KIF6: variants seen among roughly 807,000 people sequenced by gnomAD.
KIF6 encodes the protein kinesin-like protein KIF6.
In KIF6, 106 loss-of-function variants were observed where a neutral mutation model predicts 112.7. The ratio of observed to expected loss-of-function variants is 0.94; its 90% CI spans 0.80 to 1.11. The LOEUF (loss-of-function observed/expected upper bound fraction) is 1.11, where lower values mean the gene tolerates loss of function less well. Among genes scored for constraint, KIF6 ranks in the 50% least tolerant of loss-of-function variants. The pLI is 0.00. For synonymous variants in KIF6, 339 were observed against 339.9 expected (o/e 1.00, Z 0.03); for missense variants, 929 against 964.0 (o/e 0.96, Z 0.48).
At chr6:39,537,543 A>T (rs1490084184) in intron 13 of KIF6, among the ~76,000 whole-genome samples, 7 of 151,862 alleles carry the variant, frequency 4.6e-5, no homozygotes, top group Admixed American at 4.6e-4. Context: ...AGAACTACAA[A>T]CCACTGCTCA....
rs1017578002 is a variant in KIF6 at position 39,378,368 on chromosome 6, A to T, written c.1861+7254T>A. 1.3e-5 allele frequency among the ~76,000 whole-genome samples: 2 copies of T among 152,132 alleles called. No homozygotes were observed. The highest frequency in any genetic ancestry group is 3.9e-4 in the East Asian group (2 of 5,182). ...CACATACACACATACCACGTGCCAC[A>T]TATACATACAATACATACAACATAC... On this transcript the variant is annotated intron_variant, in intron 16 of 22. Coordinates refer to ENST00000287152, the MANE Select transcript of KIF6 (RefSeq NM_145027.6). This position sits in a 1 kb window ranked among gnomAD's most constrained non-coding sequence, Gnocchi z 5.0.
chr6:39,524,577 G>C (rs73732127), intron 13 of KIF6, among the ~76,000 whole-genome samples: 50,497 of 152,066 alleles, frequency 0.33, 10,852 homozygotes, highest in African/African-American at 0.6. Context: ...AAACCTGCCT[G>C]ATTTAAAGCC....
chr6:39,346,108 T>TCC (rs1562113145), intron 20 of KIF6, among the ~76,000 whole-genome samples: 7 of 24,030 alleles, frequency 2.9e-4, no homozygotes, highest in African/African-American at 1.7e-3. Flanking sequence ...CCTCCCCCCC[T>TCC]CCCTCTCCCT....
intron 22 of KIF6, among the ~76,000 whole-genome samples, chr6:39,336,922 CTT>C: frequency 7.1e-6 from 1 of 140,098 alleles, no homozygotes; most frequent in Non-Finnish European, 1.5e-5. Context: ...CCTTTCTTCC[CTT>C]TCTCTTCTTT....
At chr6:39,337,551 G>A (rs1763102948) in intron 22 of KIF6, among the ~76,000 whole-genome samples, 1 of 152,014 alleles carries the variant, frequency 6.6e-6, no homozygotes, top group Non-Finnish European at 1.5e-5. Flanking sequence ...GAGCTTAAGT[G>A]ATCCTTCACC....
Position 39,473,271 on chromosome 6 carries a change from GA to G in KIF6, c.1646-42111del, listed in dbSNP as rs201746534. Among the ~76,000 whole-genome samples the G allele has an allele frequency of 9.5e-3, 1,440 of 151,398 alleles. 14 individuals carry two copies. The highest frequency in any genetic ancestry group is 0.041 in the Middle Eastern group (12 of 294). On this transcript the variant is annotated intron_variant, in intron 13 of 22. Coordinates refer to ENST00000287152, the MANE Select transcript of KIF6 (RefSeq NM_145027.6). ...GCATTCACAAAAAAGCAAAAGAAAAGAAAAAAAGGATAATACAAAATCAATT... is the reference window on the plus strand; with the variant it reads ...GCATTCACAAAAAAGCAAAAGAAAAGAAAAAAGGATAATACAAAATCAATT...
intron 3 of KIF6, among the ~76,000 whole-genome samples, chr6:39,700,028 T>A (rs143068297): frequency 8.1e-4 from 124 of 152,336 alleles, no homozygotes; most frequent in African/African-American, 2.9e-3. Context: ...TTTTTGTGGG[T>A]CCATAGTAGG....
Position 39,332,112 on chromosome 6 carries a change from A to G in KIF6, c.*4420T>C, listed in dbSNP as rs11756084. 0.079 allele frequency: 11,996 copies of G among 151,882 alleles called. 583 individuals carry two copies. Among genetic ancestry groups the G allele is most frequent in the African/African-American group, 0.13 (5,519 of 41,414 alleles). The allele number at this position is 151,882 out of a possible 1,614,324, so 9.4% of individuals were successfully genotyped here. A position where few individuals can be genotyped will look rare whatever the true frequency, so the allele number is the denominator to read the frequency against. On this transcript the variant is annotated 3_prime_UTR_variant, in exon 23 of 23. Coordinates refer to ENST00000287152, the MANE Select transcript of KIF6 (RefSeq NM_145027.6). ...CAGGTACGCAACACCATGCCCGGCT[A>G]TTTTTTGTATTTTTAGTAGAGACGG...
At chr6:39,624,374 T>C (rs1374378100) in intron 5 of KIF6, among the ~76,000 whole-genome samples, 1 of 152,210 alleles carries the variant, frequency 6.6e-6, no homozygotes, top group African/African-American at 2.4e-5. Flanking sequence ...TCTCTATCAG[T>C]TGAGCTATAA....
At chr6:39,422,668 A>G (rs1467384655) in intron 14 of KIF6, among the ~76,000 whole-genome samples, 48 of 152,132 alleles carry the variant, frequency 3.2e-4, no homozygotes, top group Admixed American at 3.1e-3. Context: ...CTCGGTTAGG[A>G]AAGATGCGAG....
At chr6:39,720,414 TA>T (rs1380450024) in intron 2 of KIF6, among the ~76,000 whole-genome samples, 5 of 152,112 alleles carry the variant, frequency 3.3e-5, no homozygotes, top group African/African-American at 1.2e-4. Context: ...GAACTTTCTG[TA>T]AGTGCTAAAC....
Position 39,331,921 on chromosome 6 carries a change from A to G in KIF6, c.*4611T>C, listed in dbSNP as rs992617166. ...GTCTATTTACTCTATCAACTGTGCC[A>G]TGCCTGGGGCTGTTTCTATTTGTTT... On this transcript the variant is annotated 3_prime_UTR_variant, in exon 23 of 23. Transcript: ENST00000287152. The G allele has an allele frequency of 6.6e-6, 1 of 151,194 alleles. No individual in the cohort carries two copies. The highest frequency in any genetic ancestry group is 6.6e-5 in the Admixed American group (1 of 15,160). 9.4% of individuals were successfully genotyped at this position (151,194 alleles called of 1,614,324 possible).
chr6:39,620,540 T>C (rs1783756209), intron 5 of KIF6: 1 of 152,166 alleles, frequency 6.6e-6, no homozygotes, highest in Non-Finnish European at 1.5e-5. Flanking sequence ...CATTTTAACA[T>C]TCAGTTTATT....
intron 18 of KIF6, among the ~76,000 whole-genome samples, chr6:39,359,023 G>A (rs1764924785): frequency 6.6e-6 from 1 of 152,066 alleles, no homozygotes; most frequent in African/African-American, 2.4e-5. Flanking sequence ...ATTCTAACTA[G>A]TTTTCTTTGT....
At chr6:39,543,386 G>GT (rs1305154602) in intron 12 of KIF6, among the ~76,000 whole-genome samples, 2 of 152,032 alleles carry the variant, frequency 1.3e-5, no homozygotes, top group African/African-American at 2.4e-5. Context: ...GTGTGTGTGG[G>GT]TGGGGGGGGA....
rs73731795 is a variant in KIF6 at position 39,336,037 on chromosome 6, G to A, written c.*495C>T. 6.5e-3 allele frequency: 1,002 copies of A among 153,280 alleles called. 16 individuals are homozygous for A. The highest frequency in any genetic ancestry group is 0.023 in the African/African-American group (937 of 41,576). 9.5% of individuals were successfully genotyped at this position (153,280 alleles called of 1,614,324 possible). ...CCTGCATTCCACTGCCTTGCCTGTG[G>A]CTGGGACATCCTGCCTGGACCTGTC... On this transcript the variant is annotated 3_prime_UTR_variant, in exon 23 of 23. Coordinates refer to ENST00000287152, the MANE Select transcript of KIF6 (RefSeq NM_145027.6).
intron 13 of KIF6, among the ~76,000 whole-genome samples, chr6:39,529,325 A>G (rs764186956): frequency 2.6e-5 from 4 of 152,220 alleles, no homozygotes; most frequent in Non-Finnish European, 5.9e-5. Context: ...ATAAAAATAA[A>G]AAGCTTCTGC....
At chr6:39,375,014 T>A (rs549436030) in intron 16 of KIF6, among the ~76,000 whole-genome samples, 4 of 152,344 alleles carry the variant, frequency 2.6e-5, no homozygotes, top group Admixed American at 2.0e-4. Flanking sequence ...ATATACACAA[T>A]GGAATACTAT....
chr6:39,663,562 TA>T (rs1472039746), intron 3 of KIF6, among the ~76,000 whole-genome samples: 2 of 152,186 alleles, frequency 1.3e-5, no homozygotes, highest in African/African-American at 4.8e-5. Context: ...GATTTGGCTA[TA>T]AGAAGCTTTA....
Sources: allele counts gnomAD v4.1 joint callset (sites outside exome capture counted in the v4.1 genomes callset), GRCh38; gene constraint gnomAD v4.1.1; non-coding constraint Gnocchi (gnomAD v3.1); transcripts MANE v1.5; gene names NCBI Gene and HGNC (gene_info 2026-07-23, HGNC 2026-07-21).